The following RBM27 variants were observed in gnomAD, a reference collection of about 807,000 sequenced individuals.
The protein encoded by RBM27 is RNA binding motif protein 27.
Under a neutral mutation model 135.3 loss-of-function variants are expected in RBM27, and 22 were observed. That is an observed-to-expected ratio of 0.16 (90% CI 0.12 to 0.23). The LOEUF is 0.23. Among genes scored for constraint, RBM27 ranks in the 10% least tolerant of loss-of-function variants. The probability of loss-of-function intolerance (pLI) is 1.00; values close to 1 mark genes in which losing one functional copy is unlikely to be tolerated. For missense variants in RBM27, 1,009 were observed against 1,281.0 expected (o/e 0.79, Z 3.24); for synonymous variants, 481 against 442.4 (o/e 1.09, Z -1.10).
chr5:146,230,326 A>G (rs1366470608), intron 5 of RBM27, among the ~76,000 whole-genome samples: 1 of 152,184 alleles, frequency 6.6e-6, no homozygotes, highest in Admixed American at 6.5e-5. Context: ...TGGGATCCCA[A>G]CCACTCATCT....
At chr5:146,262,063 C>T (rs1758423689) in intron 13 of RBM27, among the ~76,000 whole-genome samples, 1 of 152,170 alleles carries the variant, frequency 6.6e-6, no homozygotes, top group African/African-American at 2.4e-5. Flanking sequence ...AACAAGCTCT[C>T]CTGGTGATTC....
intron 10 of RBM27, among the ~76,000 whole-genome samples, chr5:146,257,870 G>A (rs1758181399): frequency 6.6e-6 from 1 of 151,592 alleles, no homozygotes; most frequent in African/African-American, 2.4e-5. Context: ...AGGCTGGAGT[G>A]CAATGGCACA....
At chr5:146,253,494 GA>G (rs927499960) in intron 9 of RBM27, among the ~76,000 whole-genome samples, 36 of 152,082 alleles carry the variant, frequency 2.4e-4, no homozygotes, top group African/African-American at 8.7e-4. Flanking sequence ...TTATTAGAGG[GA>G]GACAGTTCTT....
intron 11 of RBM27, among the ~76,000 whole-genome samples, chr5:146,260,099 G>T (rs1390131952): frequency 2.0e-5 from 3 of 150,016 alleles, no homozygotes; most frequent in African/African-American, 7.4e-5. Context: ...AGGAGTTCAA[G>T]ACCAGCCTGG....
chr5:146,261,306 C>G (rs895353796), intron 12 of RBM27: 2 of 604,036 alleles, frequency 3.3e-6, no homozygotes, highest in South Asian at 4.2e-5. Flanking sequence ...TTTAAGGCCA[C>G]CGATACTATT....
At chr5:146,281,440 C>A (rs1333580267) in intron 19 of RBM27, among the ~76,000 whole-genome samples, 1 of 151,996 alleles carries the variant, frequency 6.6e-6, no homozygotes, top group Non-Finnish European at 1.5e-5. Context: ...ATGTTGTGAC[C>A]CTCTAAAACA....
At position 146,230,913 on chromosome 5, in the gene RBM27, T is replaced by C. The variant is rs1380129153; in HGVS notation, c.846T>C (p.Tyr282=). The C allele has an allele frequency of 1.2e-6, 2 of 1,613,732 alleles. No individual in the cohort carries two copies. The highest frequency in any genetic ancestry group is 1.7e-6 in the Non-Finnish European group (2 of 1,179,652). The change falls in exon 6 of 21, where the codon TAT becomes TAC. Residue 282 remains tyrosine, a synonymous_variant. Transcript: ENST00000265271. ...CACCAAAGAGGCGATGCAGAGATTA[T>C]GATGGTAAAAATCACCACCTTTTCT... ...NLPPKRRCRD[Y]DERGFCVLGD... is the part of the protein sequence containing the mutation.
chr5:146,238,844 G>C (rs1757281403), intron 8 of RBM27, among the ~76,000 whole-genome samples: 1 of 151,958 alleles, frequency 6.6e-6, no homozygotes, highest in African/African-American at 2.4e-5. Context: ...TACTATCTTT[G>C]TGACCTTGAG....
At chr5:146,231,523 TTTTG>T (rs2126754424) in intron 6 of RBM27, among the ~76,000 whole-genome samples, 1 of 152,288 alleles carries the variant, frequency 6.6e-6, no homozygotes, top group South Asian at 2.1e-4. Context: ...TTTTTTGTTT[TTTTG>T]TTTTCACTGT....
At chr5:146,222,443 G>A (rs2126720694) in intron 2 of RBM27, among the ~76,000 whole-genome samples, 1 of 152,334 alleles carries the variant, frequency 6.6e-6, no homozygotes, top group African/African-American at 2.4e-5. Context: ...CAGCACTTTG[G>A]GAGGCCGAGG....
In RBM27 at chr5:146,286,048, A is replaced by G. The variant is rs1222087012; in HGVS notation, c.*18A>G. On this transcript the variant is annotated 3_prime_UTR_variant, in exon 21 of 21. Coordinates refer to ENST00000265271, the MANE Select transcript of RBM27 (RefSeq NM_018989.2). Reference sequence around the variant, plus strand: ...GAAGATGAAATCTGATGCTAGCTGTATAATTTTTAGGAATATTGTTTAGAA... The same window carrying G: ...GAAGATGAAATCTGATGCTAGCTGTGTAATTTTTAGGAATATTGTTTAGAA... The G allele has an allele frequency of 2.5e-6, 4 of 1,579,724 alleles. No homozygotes were observed. The highest frequency in any genetic ancestry group is 3.4e-6 in the Non-Finnish European group (4 of 1,163,570).
intron 6 of RBM27, among the ~76,000 whole-genome samples, chr5:146,231,718 A>T (rs973986126): frequency 6.6e-6 from 1 of 151,372 alleles, no homozygotes; most frequent in African/African-American, 2.4e-5. Context: ...CCCAAGTTGA[A>T]GCGATTTTCC....
In RBM27 at chr5:146,287,868, C is replaced by T. The variant is rs1189295212; in HGVS notation, c.*1838C>T. 1.3e-5 allele frequency: 2 copies of T among 152,000 alleles called. No homozygotes were observed. Among genetic ancestry groups the T allele is most frequent in the African/African-American group, 2.4e-5 (1 of 41,408 alleles). The allele number at this position is 152,000 out of a possible 1,614,324, so 9.4% of individuals were successfully genotyped here. On this transcript the variant is annotated 3_prime_UTR_variant, in exon 21 of 21. Transcript: ENST00000265271. ...TGTATCTAGAATACACAATCTTGCT[C>T]CTTACTCCTCCATCATCTCTAATGA...
At chr5:146,227,807 C>T (rs192516745) in intron 3 of RBM27, among the ~76,000 whole-genome samples, 11 of 152,262 alleles carry the variant, frequency 7.2e-5, no homozygotes, top group Admixed American at 1.3e-4. Flanking sequence ...TCAATTTTGA[C>T]GGTTAGGCTT....
At chr5:146,268,538 G>A (rs996594160) in intron 15 of RBM27, among the ~76,000 whole-genome samples, 2 of 151,926 alleles carry the variant, frequency 1.3e-5, no homozygotes, top group South Asian at 2.1e-4. Context: ...CACTATGCCC[G>A]GCCTACTCTA....
Position 146,239,036 on chromosome 5 carries a change from T to C in RBM27, c.1279+1604T>C, listed in dbSNP as rs572957468. 2.0e-5 allele frequency among the ~76,000 whole-genome samples: 3 copies of C among 152,298 alleles called. No individual in the cohort carries two copies. In the South Asian group the frequency reaches 6.2e-4, roughly 32 times the overall value. ...TTGTAGTTATTATTGTCTCCTGAAA[T>C]TTCAAACTCTGAAATTGAACCTATT... On this transcript the variant is annotated intron_variant, in intron 8 of 20. Coordinates refer to ENST00000265271, the MANE Select transcript of RBM27 (RefSeq NM_018989.2).
chr5:146,239,570 C>T (rs1423430889), intron 8 of RBM27, among the ~76,000 whole-genome samples: 1 of 148,152 alleles, frequency 6.7e-6, no homozygotes, highest in East Asian at 1.9e-4. Flanking sequence ...CTTTGCCTCC[C>T]GGGTTCAAGC....
At chr5:146,231,417 T>G (rs1438143102) in intron 6 of RBM27, among the ~76,000 whole-genome samples, 1 of 151,552 alleles carries the variant, frequency 6.6e-6, no homozygotes, top group Non-Finnish European at 1.5e-5. Context: ...TAGTCCAAAT[T>G]TTGTTAAAAG....
chr5:146,270,502 C>T (rs1395422048), intron 17 of RBM27, among the ~76,000 whole-genome samples: 1 of 152,098 alleles, frequency 6.6e-6, no homozygotes, highest in African/African-American at 2.4e-5. Context: ...AAATCATTGG[C>T]AGTCATGTCT....
Sources: gnomAD v4.1 joint callset for allele counts (sites outside exome capture counted in the v4.1 genomes callset) on GRCh38, gnomAD v4.1.1 for gene constraint, MANE v1.5 for transcripts, NCBI Gene and HGNC (gene_info 2026-07-23, HGNC 2026-07-21) for gene names.